RANBP2: variants seen among roughly 807,000 people sequenced by gnomAD.
The protein encoded by RANBP2 is RAN binding protein 2, also known as E3 SUMO-protein ligase RanBP2.
RANBP2 carries 57 observed loss-of-function variants against 303.6 expected under a neutral mutation model. That is an observed-to-expected ratio of 0.19 (90% CI 0.15 to 0.23). The LOEUF is 0.23. Ranked by LOEUF, RANBP2 falls within the 10% of genes least tolerant of loss-of-function variation. The pLI is 1.00. For missense variants in RANBP2, 3,138 were observed against 3,780.8 expected (o/e 0.83, Z 4.46); for synonymous variants, 1,167 against 1,301.5 (o/e 0.90, Z 2.23).
the RANBP2 span, among the ~76,000 whole-genome samples, chr2:108,915,671 G>T: frequency 1.3e-5 from 2 of 152,104 alleles, no homozygotes; most frequent in African/African-American, 2.4e-5. Flanking sequence ...AGGCCGAGGC[G>T]GGAGGATCAC....
the RANBP2 span, among the ~76,000 whole-genome samples, chr2:109,351,059 A>T: frequency 6.6e-6 from 1 of 152,232 alleles, no homozygotes; most frequent in South Asian, 2.1e-4. Flanking sequence ...TTTATTTCAG[A>T]AGAGAATGAA....
the RANBP2 span, among the ~76,000 whole-genome samples, chr2:108,856,259 A>T: frequency 5.9e-5 from 9 of 151,518 alleles, no homozygotes; most frequent in African/African-American, 2.2e-4. Context: ...TGGCAGATGT[A>T]TCATGAAAAC....
chr2:109,341,880 C>T, the RANBP2 span, among the ~76,000 whole-genome samples: 1 of 152,228 alleles, frequency 6.6e-6, no homozygotes, highest in African/African-American at 2.4e-5. Flanking sequence ...ATGAAGGCTT[C>T]TGCTGGAAGC....
At chr2:108,910,193 G>A in the RANBP2 span, among the ~76,000 whole-genome samples, 4 of 152,324 alleles carry the variant, frequency 2.6e-5, no homozygotes, top group East Asian at 1.9e-4. Context: ...TGAGGAATTC[G>A]GATGTTAAGG....
the RANBP2 span, among the ~76,000 whole-genome samples, chr2:108,875,332 A>C: frequency 7.3e-6 from 1 of 136,096 alleles, no homozygotes; most frequent in African/African-American, 2.5e-5. Flanking sequence ...AAAAAAAAAA[A>C]AAAAGAAACA....
At chr2:109,130,284 C>G in the RANBP2 span, among the ~76,000 whole-genome samples, 1 of 152,210 alleles carries the variant, frequency 6.6e-6, no homozygotes, top group Non-Finnish European at 1.5e-5. Flanking sequence ...GCATCCGGCC[C>G]CTGGGCAGCT....
chr2:109,264,035 A>G, the RANBP2 span, among the ~76,000 whole-genome samples: 956 of 152,290 alleles, frequency 6.3e-3, 4 homozygotes, highest in Non-Finnish European at 9.3e-3. Flanking sequence ...GAAGCCCTAC[A>G]TGGTTTGCAA....
At chr2:108,974,600 T>C in the RANBP2 span, among the ~76,000 whole-genome samples, 21 of 150,454 alleles carry the variant, frequency 1.4e-4, 1 homozygote, top group East Asian at 3.8e-3. Flanking sequence ...CATGGTGGTG[T>C]GTGCCTGTAA....
chr2:109,111,501 G>C, the RANBP2 span, among the ~76,000 whole-genome samples: 1 of 151,596 alleles, frequency 6.6e-6, no homozygotes, highest in South Asian at 2.1e-4. Context: ...CACTGACTCT[G>C]AGTCTCATTC....
the RANBP2 span, chr2:109,574,803 T>C: frequency 6.3e-6 from 9 of 1,436,424 alleles, no homozygotes; most frequent in Non-Finnish European, 8.4e-6. Flanking sequence ...ACAACATTAT[T>C]TGTGCTACCT....
the RANBP2 span, among the ~76,000 whole-genome samples, chr2:109,459,386 G>T: frequency 1.3e-5 from 2 of 152,044 alleles, no homozygotes; most frequent in Non-Finnish European, 2.9e-5. Context: ...TTCAGAAAGC[G>T]CCTCATCTGG....
At chr2:108,835,198 T>A in the RANBP2 span, among the ~76,000 whole-genome samples, 3 of 152,204 alleles carry the variant, frequency 2.0e-5, no homozygotes, top group East Asian at 1.9e-4. Flanking sequence ...ATGACTACTG[T>A]AGTGTAAGTT....
At chr2:108,821,195 TA>T in the RANBP2 span, among the ~76,000 whole-genome samples, 1 of 152,076 alleles carries the variant, frequency 6.6e-6, no homozygotes, top group Non-Finnish European at 1.5e-5. Context: ...CCATCTCTAC[TA>T]AAAGTATAAA....
chr2:109,141,095 T>C, the RANBP2 span, among the ~76,000 whole-genome samples: 1 of 152,178 alleles, frequency 6.6e-6, no homozygotes, highest in Non-Finnish European at 1.5e-5. Context: ...CCATCCTTGG[T>C]GCTCATTTTA....
the RANBP2 span, among the ~76,000 whole-genome samples, chr2:108,922,568 C>T: frequency 6.6e-6 from 1 of 152,140 alleles, no homozygotes; most frequent in African/African-American, 2.4e-5. Context: ...CGCAGGCTCT[C>T]CTTCTTCTCC....
chr2:108,733,181 A>G (rs1695311688), intron 4 of RANBP2, among the ~76,000 whole-genome samples: 1 of 150,872 alleles, frequency 6.6e-6, no homozygotes. Flanking sequence ...TTTGTGATCC[A>G]TATTAAGTTT....
chr2:109,301,089 A>T, the RANBP2 span, among the ~76,000 whole-genome samples: 11 of 152,284 alleles, frequency 7.2e-5, no homozygotes, highest in East Asian at 2.1e-3. Flanking sequence ...ATTCTCAATA[A>T]ATAATCATTG....
chr2:109,520,803 C>T, the RANBP2 span, among the ~76,000 whole-genome samples: 1 of 134,732 alleles, frequency 7.4e-6, no homozygotes, highest in African/African-American at 2.6e-5. Flanking sequence ...TGGTGGTGGG[C>T]GTCTGTAATC....
At chr2:109,474,763 G>A in the RANBP2 span, among the ~76,000 whole-genome samples, 3 of 152,166 alleles carry the variant, frequency 2.0e-5, no homozygotes, top group Non-Finnish European at 2.9e-5. Flanking sequence ...CCAGTGATCC[G>A]AGGCCCTGCA....
Sources: gnomAD v4.1 joint callset for allele counts (sites outside exome capture counted in the v4.1 genomes callset) on GRCh38, gnomAD v4.1.1 for gene constraint, MANE v1.5 for transcripts, NCBI Gene and HGNC (gene_info 2026-07-23, HGNC 2026-07-21) for gene names.